The following FOXP4 variants were observed in gnomAD, a reference collection of about 807,000 sequenced individuals.
FOXP4 encodes forkhead box P4.
In FOXP4, 25 loss-of-function variants were observed where a neutral mutation model predicts 82.6. That is an observed-to-expected ratio of 0.30 (90% confidence interval 0.22 to 0.42). The LOEUF is 0.42. Among genes scored for constraint, FOXP4 ranks in the 10% least tolerant of loss-of-function variants. The pLI is 1.00. For missense variants in FOXP4, 785 were observed against 900.9 expected, an observed-to-expected ratio of 0.87 and a Z score of 1.65; for synonymous variants, 415 against 388.2, an observed-to-expected ratio of 1.07 and a Z score of -0.81.
Position 41,591,969 on chromosome 6 carries a change from T to A in FOXP4, c.1536+647T>A, listed in dbSNP as rs1421467906. ...ACAGATGCTGGGGTACTAGGCCATT[T>A]ATTTTTCTATAGCCAAAAGGGGGGT... On this transcript the variant is annotated intron_variant, in intron 13 of 16. Transcript: ENST00000307972. The surrounding 1 kb of genome is among the most constrained non-coding windows in gnomAD (Gnocchi z 4.2). Among the ~76,000 whole-genome samples, 1 of 152,042 alleles carries A rather than the reference T, an allele frequency of 6.6e-6. No homozygotes were observed. Among genetic ancestry groups the A allele is most frequent in the Non-Finnish European group, 1.5e-5 (1 of 68,004 alleles).
intron 2 of FOXP4, among the ~76,000 whole-genome samples, chr6:41,568,667 C>T (rs556352622): frequency 4.0e-4 from 60 of 148,376 alleles, no homozygotes; most frequent in African/African-American, 1.2e-3. Flanking sequence ...GTGGACCACA[C>T]GCTGGTCCCA....
intron 9 of FOXP4, 93 bp from the exon 10 acceptor site, chr6:41,589,678 G>A (rs1019480436): frequency 1.8e-5 from 23 of 1,306,674 alleles, no homozygotes; most frequent in Admixed American, 1.6e-4. Flanking sequence ...GGGAATCGGC[G>A]GCCTTCTGAA....
chr6:41,598,705 A>C, intron 16 of FOXP4, 84 bp from the exon 17 acceptor site: 1 of 1,541,800 alleles, frequency 6.5e-7, no homozygotes, highest in Non-Finnish European at 8.8e-7. Context: ...ACTGTGCCCC[A>C]GAGTTCTGGG....
At chr6:41,579,841 C>T (rs1765698896) in intron 3 of FOXP4, among the ~76,000 whole-genome samples, 1 of 152,174 alleles carries the variant, frequency 6.6e-6, no homozygotes, top group African/African-American at 2.4e-5. Flanking sequence ...CTGACATATA[C>T]AGAGTGCTTA....
intron 2 of FOXP4, among the ~76,000 whole-genome samples, chr6:41,573,205 C>T (rs763225236): frequency 3.9e-5 from 6 of 152,114 alleles, no homozygotes; most frequent in Admixed American, 2.6e-4. Flanking sequence ...TAAATAGCCC[C>T]GCACCTGGCT....
intron 2 of FOXP4, among the ~76,000 whole-genome samples, chr6:41,575,041 T>C (rs894432920): frequency 2.6e-5 from 4 of 152,190 alleles, no homozygotes; most frequent in Non-Finnish European, 4.4e-5. Flanking sequence ...CCACCTCGGC[T>C]CACTGCAAGC....
At chr6:41,587,936 C>T in intron 8 of FOXP4, 39 bp downstream of exon 8, 3 of 1,133,536 alleles carry the variant, frequency 2.6e-6, no homozygotes, top group Non-Finnish European at 3.9e-6. Context: ...GCAGCCTTTC[C>T]CCACAGGGCC....
intron 2 of FOXP4, among the ~76,000 whole-genome samples, chr6:41,571,653 A>G (rs1159000739): frequency 6.6e-6 from 1 of 152,198 alleles, no homozygotes; most frequent in Non-Finnish European, 1.5e-5. Context: ...GTGTAAAAAA[A>G]TTTACAGCCT....
intron 3 of FOXP4, among the ~76,000 whole-genome samples, chr6:41,582,451 G>A (rs1411192472): frequency 6.6e-6 from 1 of 152,230 alleles, no homozygotes; most frequent in Non-Finnish European, 1.5e-5. Context: ...GTGAGGCTTG[G>A]TGATTTCAAG....
chr6:41,561,033 G>A (rs1209871494), intron 1 of FOXP4, among the ~76,000 whole-genome samples: 2 of 152,200 alleles, frequency 1.3e-5, no homozygotes, highest in Non-Finnish European at 2.9e-5. Flanking sequence ...GGCGTCCCTC[G>A]TTGCGCACTC....
At chr6:41,581,741 T>C (rs1276292041) in intron 3 of FOXP4, among the ~76,000 whole-genome samples, 4 of 152,204 alleles carry the variant, frequency 2.6e-5, no homozygotes, top group Admixed American at 6.5e-5. Flanking sequence ...GTGCACACCA[T>C]GTAATCCATC....
chr6:41,553,324 GGAGA>G lies in FOXP4; in HGVS notation c.-17+6463_-17+6466del, dbSNP rs71776612. Among the ~76,000 whole-genome samples, 12 of 152,146 alleles carry G rather than the reference GGAGA, an allele frequency of 7.9e-5. No individual in the cohort carries two copies. The East Asian group carries it at 2.3e-3, about 29-fold the overall frequency. Reference sequence around the variant, plus strand: ...GTTATCAATTAATTGAATCTCGTTGGGAGAGAGAGCTCCGCGAGGTGAGGCGAGC... The same window carrying G: ...GTTATCAATTAATTGAATCTCGTTGGGAGAGCTCCGCGAGGTGAGGCGAGC... On this transcript the variant is annotated intron_variant, in intron 1 of 16. Coordinates refer to ENST00000307972, the MANE Select transcript of FOXP4 (RefSeq NM_001012426.2).
intron 12 of FOXP4, among the ~76,000 whole-genome samples, chr6:41,590,696 A>G (rs894956377): frequency 2.6e-5 from 4 of 152,020 alleles, no homozygotes; most frequent in Non-Finnish European, 5.9e-5. Flanking sequence ...CATGATCTTC[A>G]TGTCACCAAT....
At chr6:41,561,901 T>TGG (rs912947676) in intron 1 of FOXP4, among the ~76,000 whole-genome samples, 13 of 152,336 alleles carry the variant, frequency 8.5e-5, no homozygotes, top group African/African-American at 3.1e-4. Context: ...GGCCCCTGCC[T>TGG]GCTCCCCTAG....
At chr6:41,586,977 C>T in intron 5 of FOXP4, 32 bp from the exon 6 acceptor site, 2 of 1,548,838 alleles carry the variant, frequency 1.3e-6, no homozygotes, top group Non-Finnish European at 1.8e-6. Flanking sequence ...GATGGCACCC[C>T]TCTCTGCCCG....
At chr6:41,566,739 G>A (rs891621193) in intron 2 of FOXP4, among the ~76,000 whole-genome samples, 1 of 152,062 alleles carries the variant, frequency 6.6e-6, no homozygotes, top group East Asian at 1.9e-4. Flanking sequence ...CCCTGGCCTT[G>A]GGATTCTCTT....
At chr6:41,547,793 A>G (rs1562000332) in intron 1 of FOXP4, among the ~76,000 whole-genome samples, 5 of 137,938 alleles carry the variant, frequency 3.6e-5, no homozygotes, top group Admixed American at 1.4e-4. Flanking sequence ...CCCCGCCCCA[A>G]CTGAGGAGTC....
Position 41,598,720 on chromosome 6 carries a change from T to A in FOXP4, c.1896-69T>A, listed in dbSNP as rs549138214. ...ACTGTGCCCCAGAGTTCTGGGTGAG[T>A]TTGGGGGGCAGGGGGCAGAGGGCAT... On this transcript the variant is annotated intron_variant, in intron 16 of 16. Transcript: ENST00000307972. The A allele has an allele frequency of 3.1e-5, 48 of 1,545,490 alleles. No homozygotes were observed. In the East Asian group the frequency reaches 7.3e-4, roughly 24 times the overall value.
At position 41,599,789 on chromosome 6, in the gene FOXP4, G is replaced by A. The variant is rs892974258; in HGVS notation, c.*853G>A. The A allele has an allele frequency of 1.3e-5, 2 of 151,694 alleles. No individual in the cohort carries two copies. The highest frequency in any genetic ancestry group is 2.4e-5 in the African/African-American group (1 of 41,108). 9.4% of individuals were successfully genotyped at this position (151,694 alleles called of 1,614,324 possible). On this transcript the variant is annotated 3_prime_UTR_variant, in exon 17 of 17. Coordinates refer to ENST00000307972, the MANE Select transcript of FOXP4 (RefSeq NM_001012426.2). ...CCAGGGGAAGGCCAGGCTGGACCCC[G>A]GCTCCACACCCACATCCAGCCTGCA... is the stretch of plus-strand genomic sequence containing the variant.
Sources: allele counts gnomAD v4.1 joint callset (sites outside exome capture counted in the v4.1 genomes callset), GRCh38; gene constraint gnomAD v4.1.1; non-coding constraint Gnocchi (gnomAD v3.1); transcripts MANE v1.5; gene names NCBI Gene and HGNC (gene_info 2026-07-23, HGNC 2026-07-21).